TUT4: variants seen among roughly 807,000 people sequenced by gnomAD.
The protein encoded by TUT4 is terminal uridylyltransferase 4.
TUT4 carries 36 observed loss-of-function variants against 192.2 expected under a neutral mutation model. The observed-to-expected ratio is 0.19, with a 90% CI of 0.14 to 0.25. The LOEUF (loss-of-function observed/expected upper bound fraction) is 0.25, where lower values mean the gene tolerates loss of function less well. Ranked by LOEUF, TUT4 falls within the 10% of genes least tolerant of loss-of-function variation. The pLI is 1.00. For synonymous variants in TUT4, 618 were observed against 666.0 expected (o/e 0.93, Z 1.11); for missense variants, 1,493 against 1,957.2 (o/e 0.76, Z 4.47).
intron 1 of TUT4, among the ~76,000 whole-genome samples, chr1:52,540,173 C>G (rs1686148622): frequency 6.7e-6 from 1 of 149,110 alleles, no homozygotes; most frequent in Non-Finnish European, 1.5e-5. Flanking sequence ...GAGCCAAGAT[C>G]ATGCCACTGC....
intron 1 of TUT4, among the ~76,000 whole-genome samples, chr1:52,542,905 G>A (rs1687102853): frequency 6.6e-6 from 1 of 152,034 alleles, no homozygotes; most frequent in African/African-American, 2.4e-5. Context: ...GGGATTACAG[G>A]CCACTATGCC....
At chr1:52,518,980 TAAATA>T (rs1418748763) in intron 2 of TUT4, among the ~76,000 whole-genome samples, 4 of 152,166 alleles carry the variant, frequency 2.6e-5, no homozygotes, top group Non-Finnish European at 5.9e-5. Flanking sequence ...CCAAAAAACT[TAAATA>T]TAGAGTTAGC....
At chr1:52,531,298 T>C (rs192550693) in intron 1 of TUT4, among the ~76,000 whole-genome samples, 383 of 151,730 alleles carry the variant, frequency 2.5e-3, no homozygotes, top group Non-Finnish European at 4.3e-3. Context: ...CCATTCTAAC[T>C]CACTACAGCT....
intron 1 of TUT4, among the ~76,000 whole-genome samples, chr1:52,545,966 C>CAAAA (rs71041901): frequency 0.015 from 1,082 of 72,300 alleles, 18 homozygotes; most frequent in African/African-American, 0.039. Context: ...TACAAAAATA[C>CAAAA]AAAAAAAAAA....
Position 52,470,904 on chromosome 1 carries a change from C to T in TUT4, c.2878+1048G>A, listed in dbSNP as rs180947019. On this transcript the variant is annotated intron_variant, in intron 14 of 29. Transcript: ENST00000257177. ...CGTTTGCTGAATAAAGGCATGCAAGCCGTTCCCCAAAATATGTTTATAGGC... is the reference window on the plus strand; with the variant it reads ...CGTTTGCTGAATAAAGGCATGCAAGTCGTTCCCCAAAATATGTTTATAGGC... 5.7e-4 allele frequency among the ~76,000 whole-genome samples: 86 copies of T among 152,084 alleles called. No individual in the cohort carries two copies. In the Middle Eastern group the frequency reaches 0.01, roughly 18 times the overall value.
chr1:52,431,344 A>G lies in TUT4; in HGVS notation c.4380T>C (p.Pro1460=). 1 of 1,614,122 alleles carries G rather than the reference A, an allele frequency of 6.2e-7. No homozygotes were observed. The highest frequency in any genetic ancestry group is 8.5e-7 in the Non-Finnish European group (1 of 1,180,016). The change falls in exon 28 of 30, where the codon CCT becomes CCC. Residue 1460 remains proline, a synonymous_variant. Transcript: ENST00000257177. The stretch of plus-strand genomic sequence containing the variant: ...GATGGGGAGGTTGGGCTCCCTGCTG[A>G]GGTGGGCCAAGCTTAGGTTGGGATC... The part of the protein sequence containing the change: ...QPGSQPKLGP[P]QQGAQPPHQV...
chr1:52,468,545 G>A (rs376558317), intron 14 of TUT4: 43 of 285,740 alleles, frequency 1.5e-4, no homozygotes, highest in East Asian at 6.3e-4. Context: ...ATCATTTTCC[G>A]TATATCTACA....
At chr1:52,491,343 T>C (rs879369665) in intron 7 of TUT4, among the ~76,000 whole-genome samples, 1 of 152,224 alleles carries the variant, frequency 6.6e-6, no homozygotes, top group Non-Finnish European at 1.5e-5. Context: ...CTGAAATCTT[T>C]CTCTGTATCT....
chr1:52,442,167 C>CAAAAAAAAAAAA (rs58552556), intron 24 of TUT4, among the ~76,000 whole-genome samples: 2 of 76,360 alleles, frequency 2.6e-5, no homozygotes, highest in African/African-American at 5.1e-5. Flanking sequence ...GACTCCACCT[C>CAAAAAAAAAAAA]AAAAAAAAAA....
chr1:52,487,741 T>TAAAC (rs1263989275), intron 9 of TUT4, among the ~76,000 whole-genome samples: 9 of 151,676 alleles, frequency 5.9e-5, no homozygotes, highest in Admixed American at 5.3e-4. Context: ...CATCTCTACT[T>TAAAC]AAACAAACAA....
At chr1:52,487,867 G>T (rs902808379) in intron 9 of TUT4, among the ~76,000 whole-genome samples, 35 of 152,142 alleles carry the variant, frequency 2.3e-4, no homozygotes, top group Admixed American at 9.8e-4. Context: ...GATCAGCCGT[G>T]AATACATAAA....
chr1:52,515,226 GT>G (rs1678417712), intron 3 of TUT4: 1 of 152,474 alleles, frequency 6.6e-6, no homozygotes, highest in Admixed American at 6.5e-5. Flanking sequence ...ATAAATACAG[GT>G]TCAATAAATA....
intron 14 of TUT4, among the ~76,000 whole-genome samples, chr1:52,471,549 A>C (rs1371810560): frequency 6.6e-6 from 1 of 152,234 alleles, no homozygotes; most frequent in Non-Finnish European, 1.5e-5. Flanking sequence ...GCAGTGATGA[A>C]AATGTTCTCT....
At chr1:52,475,681 C>A in intron 12 of TUT4, 146 bp from the exon 13 acceptor site, 1 of 690,752 alleles carries the variant, frequency 1.4e-6, no homozygotes, top group South Asian at 2.5e-5. Context: ...AGTGAAAGTT[C>A]CTGAAAATGG....
chr1:52,525,617 T>C lies in TUT4; in HGVS notation c.664A>G (p.Thr222Ala). 2 of 1,614,110 alleles carry C rather than the reference T, an allele frequency of 1.2e-6. No individual in the cohort carries two copies. The highest frequency in any genetic ancestry group is 3.3e-4 in the Middle Eastern group (2 of 6,062). ...SQKQQTCTDNTGDSDDSASGI... is the reference protein window; with the variant it reads ...SQKQQTCTDNAGDSDDSASGI... ...GAAGCACTATCATCAGAATCACCAG[T>C]ATTATCTGTACATGTCTGTTGCTTC... The change falls in exon 2 of 30, where the codon ACT (threonine) becomes GCT (alanine). Residue 222 changes from threonine (T) to alanine (A), a missense_variant. By Grantham distance (58) the Thr-to-Ala change is moderately conservative (BLOSUM62 0). Coordinates refer to ENST00000257177, the MANE Select transcript of TUT4 (RefSeq NM_001009881.3).
chr1:52,513,538 T>C (rs1677878264), intron 3 of TUT4, among the ~76,000 whole-genome samples: 1 of 149,636 alleles, frequency 6.7e-6, no homozygotes, highest in Non-Finnish European at 1.5e-5. Flanking sequence ...GGATTACAAA[T>C]ATCTACGCTG....
intron 1 of TUT4, among the ~76,000 whole-genome samples, chr1:52,543,751 TG>T (rs1687343846): frequency 6.6e-6 from 1 of 151,984 alleles, no homozygotes; most frequent in African/African-American, 2.4e-5. Context: ...CCTAAAGTGC[TG>T]GGATTACAGG....
At chr1:52,434,629 G>A (rs1653181133) in intron 27 of TUT4, 1 of 152,222 alleles carries the variant, frequency 6.6e-6, no homozygotes, top group Non-Finnish European at 1.5e-5. Flanking sequence ...CCTGAGGTCA[G>A]GAGTTCAAGA....
Position 52,423,731 on chromosome 1 carries a change from C to G in TUT4, c.*204G>C, listed in dbSNP as rs1648812443. On this transcript the variant is annotated 3_prime_UTR_variant, in exon 30 of 30. Coordinates refer to ENST00000257177, the MANE Select transcript of TUT4 (RefSeq NM_001009881.3). ...AGTTCATATTTATATACAAATAATACAGTCTGTAAAAACAGTCTTAGAATT... is the reference window on the plus strand; with the variant it reads ...AGTTCATATTTATATACAAATAATAGAGTCTGTAAAAACAGTCTTAGAATT... The G allele has an allele frequency of 8.2e-7, 1 of 1,222,962 alleles. No individual in the cohort carries two copies. Among genetic ancestry groups the G allele is most frequent in the Non-Finnish European group, 1.1e-6 (1 of 883,510 alleles). 75.8% of individuals were successfully genotyped at this position (1,222,962 alleles called of 1,614,324 possible). A position where few individuals can be genotyped will look rare whatever the true frequency, so the allele number is the denominator to read the frequency against.
Sources: allele counts gnomAD v4.1 joint callset (sites outside exome capture counted in the v4.1 genomes callset), GRCh38; gene constraint gnomAD v4.1.1; transcripts MANE v1.5; gene names NCBI Gene and HGNC (gene_info 2026-07-23, HGNC 2026-07-21).